CADPS: variants seen among roughly 807,000 people sequenced by gnomAD.
CADPS encodes calcium-dependent secretion activator 1.
CADPS carries 57 observed loss-of-function variants against 167.3 expected under a neutral mutation model. That is an observed-to-expected ratio of 0.34 (90% CI 0.28 to 0.42). The LOEUF is 0.42. Among genes scored for constraint, CADPS ranks in the 20% least tolerant of loss-of-function variants. The pLI is 1.00. For missense variants in CADPS, 1,414 were observed against 1,738.1 expected, an observed-to-expected ratio of 0.81 and a Z score of 3.32; for synonymous variants, 676 against 635.3, an observed-to-expected ratio of 1.06 and a Z score of -0.96.
chr3:62,690,940 T>G (rs1563898933), intron 3 of CADPS, among the ~76,000 whole-genome samples: 2 of 151,962 alleles, frequency 1.3e-5, no homozygotes, highest in African/African-American at 4.8e-5. Context: ...CATTCCTTAG[T>G]AGGAGAATGG....
intron 1 of CADPS, among the ~76,000 whole-genome samples, chr3:62,827,064 C>T (rs1378707374): frequency 1.3e-5 from 2 of 152,148 alleles, no homozygotes; most frequent in South Asian, 2.1e-4. Context: ...ATATGAAACA[C>T]CACATCCCAG....
intron 1 of CADPS, among the ~76,000 whole-genome samples, chr3:62,836,857 AAAAG>A (rs1222555346): frequency 1.3e-5 from 2 of 152,112 alleles, no homozygotes; most frequent in Admixed American, 6.6e-5. Flanking sequence ...TTCTTTTGAT[AAAAG>A]AAAGAATCAG....
chr3:62,726,528 G>A (rs967542526), intron 3 of CADPS, among the ~76,000 whole-genome samples: 9 of 151,822 alleles, frequency 5.9e-5, no homozygotes, highest in Non-Finnish European at 1.2e-4. Context: ...AGGGGCCATG[G>A]ACTCAGTCCT....
At chr3:62,546,298 G>A (rs573795702) in intron 11 of CADPS, among the ~76,000 whole-genome samples, 18 of 152,178 alleles carry the variant, frequency 1.2e-4, no homozygotes, top group South Asian at 2.1e-4. Flanking sequence ...TCTTTCTTGC[G>A]TGGTAGTACC....
At chr3:62,610,633 T>C (rs2061379030) in intron 6 of CADPS, among the ~76,000 whole-genome samples, 1 of 152,176 alleles carries the variant, frequency 6.6e-6, no homozygotes, top group African/African-American at 2.4e-5. Context: ...TCAGTCATAA[T>C]CAGCTTACCA....
chr3:62,756,394 C>A (rs901425335), intron 2 of CADPS, among the ~76,000 whole-genome samples: 1 of 152,128 alleles, frequency 6.6e-6, no homozygotes, highest in Non-Finnish European at 1.5e-5. Flanking sequence ...ATCCATACAC[C>A]AAAGGAATTG....
intron 6 of CADPS, among the ~76,000 whole-genome samples, chr3:62,596,944 A>C (rs1435052721): frequency 1.3e-5 from 2 of 152,214 alleles, no homozygotes; most frequent in Non-Finnish European, 2.9e-5. Flanking sequence ...CCAAAATCTC[A>C]TTTTAAAGCT....
At chr3:62,621,827 G>T (rs188829495) in intron 6 of CADPS, among the ~76,000 whole-genome samples, 32 of 151,786 alleles carry the variant, frequency 2.1e-4, no homozygotes, top group Admixed American at 1.9e-3. Context: ...ACTTACAAGT[G>T]AGAACATGAG....
chr3:62,518,056 C>G, intron 14 of CADPS, 93 bp downstream of exon 14: 1 of 810,828 alleles, frequency 1.2e-6, no homozygotes, highest in Non-Finnish European at 2.1e-6. Context: ...AATGTATCCT[C>G]TGGTAGATTT....
In CADPS at chr3:62,601,066, A is replaced by G. The variant is rs1234793499; in HGVS notation, c.1326-8318T>C. Reference sequence around the variant, plus strand: ...ATACGTGGCACATAGAAAGCACTAAAAAATGTAAGTCTTCATTTTAGGATT... The same window carrying G: ...ATACGTGGCACATAGAAAGCACTAAGAAATGTAAGTCTTCATTTTAGGATT... On this transcript the variant is annotated intron_variant, in intron 6 of 29. Transcript: ENST00000383710. This position sits in a 1 kb window ranked among gnomAD's most constrained non-coding sequence, Gnocchi z 4.3. Among the ~76,000 whole-genome samples, 4 of 152,224 alleles carry G rather than the reference A, an allele frequency of 2.6e-5. No individual in the cohort carries two copies. Among genetic ancestry groups the G allele is most frequent in the African/African-American group, 9.6e-5 (4 of 41,462 alleles).
chr3:62,425,939 A>C (rs2052560497), intron 28 of CADPS, among the ~76,000 whole-genome samples: 1 of 152,142 alleles, frequency 6.6e-6, no homozygotes, highest in African/African-American at 2.4e-5. Flanking sequence ...ACCTTCTTTG[A>C]GGCTTCCATC....
chr3:62,690,904 T>C (rs931913752), intron 3 of CADPS, among the ~76,000 whole-genome samples: 3 of 152,010 alleles, frequency 2.0e-5, no homozygotes, highest in Non-Finnish European at 4.4e-5. Flanking sequence ...TTATTTGTAA[T>C]TGCTAAAACT....
At chr3:62,662,527 G>T (rs1487115478) in intron 3 of CADPS, 133 bp from the exon 4 acceptor site, 8 of 693,918 alleles carry the variant, frequency 1.2e-5, no homozygotes, top group African/African-American at 1.8e-5. Flanking sequence ...TCTTATAACC[G>T]ACAAATCCAG....
chr3:62,677,976 G>A (rs2076582219), intron 3 of CADPS, among the ~76,000 whole-genome samples: 1 of 152,018 alleles, frequency 6.6e-6, no homozygotes, highest in South Asian at 2.1e-4. Flanking sequence ...CTTACACAGG[G>A]GTTAAACAAC....
At chr3:62,793,222 A>C (rs917881054) in intron 1 of CADPS, among the ~76,000 whole-genome samples, 8 of 152,188 alleles carry the variant, frequency 5.3e-5, no homozygotes, top group African/African-American at 1.9e-4. Flanking sequence ...AATGCTTGTG[A>C]AACATTAACA....
chr3:62,675,174 G>A (rs1000407040), intron 3 of CADPS, among the ~76,000 whole-genome samples: 1 of 152,002 alleles, frequency 6.6e-6, no homozygotes, highest in African/African-American at 2.4e-5. Context: ...TTCAGGCTCA[G>A]TGTGACAGGG....
intron 3 of CADPS, among the ~76,000 whole-genome samples, chr3:62,724,648 A>T (rs1397183793): frequency 6.6e-6 from 1 of 152,224 alleles, no homozygotes; most frequent in African/African-American, 2.4e-5. Context: ...ACACACACAC[A>T]GTCTTTACCT....
intron 6 of CADPS, among the ~76,000 whole-genome samples, chr3:62,608,587 A>G (rs548288286): frequency 6.6e-6 from 1 of 152,284 alleles, no homozygotes; most frequent in Non-Finnish European, 1.5e-5. Context: ...CTGAAAGTTG[A>G]ATTGAGTTGT....
At chr3:62,476,332 C>T (rs919880286) in intron 23 of CADPS, among the ~76,000 whole-genome samples, 3 of 152,156 alleles carry the variant, frequency 2.0e-5, no homozygotes, top group Non-Finnish European at 4.4e-5. Context: ...CATTCAAAAA[C>T]TCGTCCATGC....
Sources: gnomAD v4.1 joint callset for allele counts (sites outside exome capture counted in the v4.1 genomes callset) on GRCh38, gnomAD v4.1.1 for gene constraint, Gnocchi (gnomAD v3.1) non-coding constraint, MANE v1.5 for transcripts, NCBI Gene and HGNC (gene_info 2026-07-23, HGNC 2026-07-21) for gene names.